SIPA1L3: variants seen among roughly 807,000 people sequenced by gnomAD.
The protein encoded by SIPA1L3 is signal-induced proliferation-associated 1-like protein 3.
Under a neutral mutation model 150.1 loss-of-function variants are expected in SIPA1L3, and 59 were observed. The ratio of observed to expected loss-of-function variants is 0.39; its 90% CI spans 0.32 to 0.49. The LOEUF (loss-of-function observed/expected upper bound fraction) is 0.49, where lower values mean the gene tolerates loss of function less well. SIPA1L3 is among the 20% of genes least tolerant of loss of function. SIPA1L3 has a pLI of 0.86. For synonymous variants in SIPA1L3, 1,070 were observed against 1,077.6 expected, an observed-to-expected ratio of 0.99 and a Z score of 0.14; for missense variants, 2,211 against 2,489.5, an observed-to-expected ratio of 0.89 and a Z score of 2.38.
rs1970976572 is a variant in SIPA1L3, at chr19:38,119,822, C to T, written c.2808C>T (p.Ile936=). 6.2e-7 allele frequency: 1 copy of T among 1,613,590 alleles called. No individual in the cohort carries two copies. The highest frequency in any genetic ancestry group is 1.1e-5 in the South Asian group (1 of 91,080). ...TCTTCTATGGACGAGGAGACCACAT[C>T]TTCCTACAGGCGACAGAGGGTTCTG... is the stretch of plus-strand genomic sequence containing the variant. ...LKIFYGRGDH[I]FLQATEGSVE... The change falls in exon 9 of 22, where the codon ATC becomes ATT. Residue 936 remains isoleucine (I), a synonymous_variant. Transcript: ENST00000222345.
At chr19:37,969,101 G>A (rs2046930300) in intron 1 of SIPA1L3, among the ~76,000 whole-genome samples, 1 of 152,194 alleles carries the variant, frequency 6.6e-6, no homozygotes, top group African/African-American at 2.4e-5. Context: ...AGGAATGGTG[G>A]CATATGCCTG....
chr19:38,140,229 A>G (rs1048016771), intron 10 of SIPA1L3, among the ~76,000 whole-genome samples: 1 of 152,194 alleles, frequency 6.6e-6, no homozygotes, highest in African/African-American at 2.4e-5. Context: ...TTTCATGAGC[A>G]TGGCTCGGGG....
At chr19:38,064,038 T>G (rs1969512935) in intron 2 of SIPA1L3, among the ~76,000 whole-genome samples, 1 of 152,142 alleles carries the variant, frequency 6.6e-6, no homozygotes, top group South Asian at 2.1e-4. Flanking sequence ...TCATCCCCAC[T>G]CTACAAACAT....
chr19:37,937,854 G>C (rs1568470310), intron 1 of SIPA1L3, among the ~76,000 whole-genome samples: 1 of 150,734 alleles, frequency 6.6e-6, no homozygotes. Context: ...AGACCATCCT[G>C]GCCTACATGG....
intron 2 of SIPA1L3, among the ~76,000 whole-genome samples, chr19:38,041,094 AT>A (rs148033935): frequency 0.06 from 8,065 of 135,416 alleles, 768 homozygotes; most frequent in African/African-American, 0.2. Flanking sequence ...ACCTTTATTT[AT>A]TTTATTATTA....
At chr19:38,145,534 C>CAAAAAAAA (rs35073920) in intron 12 of SIPA1L3, among the ~76,000 whole-genome samples, 1 of 94,300 alleles carries the variant, frequency 1.1e-5, no homozygotes. Context: ...AACTCCGTCT[C>CAAAAAAAA]AAAAAAAAAA....
In SIPA1L3 at chr19:38,001,124, G is replaced by A. The variant is rs568247115; in HGVS notation, c.-378-27965G>A. 2.2e-4 allele frequency among the ~76,000 whole-genome samples: 34 copies of A among 151,326 alleles called. 1 individual carries two copies. The South Asian group carries it at 7.1e-3, about 31-fold the overall frequency. ...AACAGGAAAAATGTTAAAAAGTTAAGGAATCATGTGAGCTTGGCTTCTGGG... is the reference window on the plus strand; with the variant it reads ...AACAGGAAAAATGTTAAAAAGTTAAAGAATCATGTGAGCTTGGCTTCTGGG... On this transcript the variant is annotated intron_variant, in intron 1 of 21. Coordinates refer to ENST00000222345, the MANE Select transcript of SIPA1L3 (RefSeq NM_015073.3).
At chr19:37,907,944 T>C (rs963719805) in intron 1 of SIPA1L3, 2 of 152,156 alleles carry the variant, frequency 1.3e-5, no homozygotes, top group African/African-American at 4.8e-5. Flanking sequence ...AGGTTCAAAT[T>C]TGAACATTTA....
intron 2 of SIPA1L3, among the ~76,000 whole-genome samples, chr19:38,031,422 C>T (rs186931375): frequency 6.6e-6 from 1 of 152,342 alleles, no homozygotes; most frequent in Admixed American, 6.5e-5. Flanking sequence ...ACAATTCCTC[C>T]GTCTTTCCTA....
intron 1 of SIPA1L3, among the ~76,000 whole-genome samples, chr19:37,945,227 C>G (rs1025891274): frequency 2.6e-5 from 4 of 151,710 alleles, no homozygotes; most frequent in African/African-American, 9.7e-5. Context: ...TGTCTGTACT[C>G]ATGTCTTAGG....
chr19:38,102,346 A>G (rs1347904802), intron 6 of SIPA1L3, among the ~76,000 whole-genome samples: 1 of 151,808 alleles, frequency 6.6e-6, no homozygotes, highest in Non-Finnish European at 1.5e-5. Flanking sequence ...CACCTGGCCA[A>G]TTATTATTTT....
chr19:38,170,398 GC>G (rs201770533), intron 15 of SIPA1L3, among the ~76,000 whole-genome samples: 1 of 152,184 alleles, frequency 6.6e-6, no homozygotes, highest in Non-Finnish European at 1.5e-5. Context: ...CAGCCCAGCA[GC>G]CCCCCTCATG....
chr19:38,066,352 C>T (rs921624321), intron 2 of SIPA1L3, among the ~76,000 whole-genome samples: 2 of 152,060 alleles, frequency 1.3e-5, no homozygotes, highest in African/African-American at 4.8e-5. Context: ...ATTGTATTCC[C>T]TGGAATAGAG....
chr19:37,917,654 G>C (rs1046794238), intron 1 of SIPA1L3, among the ~76,000 whole-genome samples: 1 of 152,130 alleles, frequency 6.6e-6, no homozygotes, highest in African/African-American at 2.4e-5. Context: ...GGGTGTTTAA[G>C]GGGGATAGGG....
chr19:38,079,115 G>A (rs1162081755), intron 2 of SIPA1L3, among the ~76,000 whole-genome samples: 1 of 152,190 alleles, frequency 6.6e-6, no homozygotes, highest in Non-Finnish European at 1.5e-5. Flanking sequence ...GGCGGATCAT[G>A]AGGTCAGGAG....
At chr19:38,109,160 G>T (rs1041084788) in intron 7 of SIPA1L3, among the ~76,000 whole-genome samples, 1 of 152,098 alleles carries the variant, frequency 6.6e-6, no homozygotes, top group African/African-American at 2.4e-5. Context: ...CCCAAGACTG[G>T]GTAGTTTATA....
rs1334258604 is a variant in SIPA1L3, at chr19:38,207,785, T to C, written c.*1545T>C. 1 of 152,432 alleles carries C rather than the reference T, an allele frequency of 6.6e-6. No individual in the cohort carries two copies. The allele number at this position is 152,432 out of a possible 1,614,324, so 9.4% of individuals were successfully genotyped here. On this transcript the variant is annotated 3_prime_UTR_variant, in exon 22 of 22. Transcript: ENST00000222345. ...AGGCACTCGGAGGTGCCGGTGTGGA[T>C]GGGTGGGGGTGAGAGAAGAGGGTTC...
At chr19:38,116,557 A>G (rs974222997) in intron 8 of SIPA1L3, among the ~76,000 whole-genome samples, 8 of 151,288 alleles carry the variant, frequency 5.3e-5, no homozygotes, top group African/African-American at 1.9e-4. Flanking sequence ...AAAGAAAAGA[A>G]AAAGAACAGG....
At chr19:38,011,236 A>G (rs1345272199) in intron 1 of SIPA1L3, among the ~76,000 whole-genome samples, 1 of 152,128 alleles carries the variant, frequency 6.6e-6, no homozygotes, top group Non-Finnish European at 1.5e-5. Context: ...ACACTTTGGG[A>G]GGCCGAGGTG....
Sources: allele counts gnomAD v4.1 joint callset (sites outside exome capture counted in the v4.1 genomes callset), GRCh38; gene constraint gnomAD v4.1.1; transcripts MANE v1.5; gene names NCBI Gene and HGNC (gene_info 2026-07-23, HGNC 2026-07-21).